Variants in IL17RD observed in about 807,000 individuals in gnomAD.
IL17RD encodes interleukin 17 receptor D.
In IL17RD, 52 loss-of-function variants were observed where a neutral mutation model predicts 80.5. The ratio of observed to expected loss-of-function variants is 0.65; its 90% confidence interval spans 0.52 to 0.81. The LOEUF (loss-of-function observed/expected upper bound fraction) is 0.81. IL17RD is among the 40% of genes least tolerant of loss of function. The probability of loss-of-function intolerance (pLI) is 0.00; values close to 1 mark genes in which losing one functional copy is unlikely to be tolerated. For missense variants in IL17RD, 1,024 were observed against 955.1 expected (o/e 1.07, Z -0.95); for synonymous variants, 416 against 391.8 (o/e 1.06, Z -0.73).
chr3:57,136,409 G>C (rs1450651818), intron 1 of IL17RD, among the ~76,000 whole-genome samples: 2 of 152,130 alleles, frequency 1.3e-5, no homozygotes, highest in Non-Finnish European at 2.9e-5. Flanking sequence ...AAGGCAGCAG[G>C]AATGCTCGAG....
At chr3:57,129,872 C>T (rs771029655) in intron 1 of IL17RD, among the ~76,000 whole-genome samples, 10 of 152,138 alleles carry the variant, frequency 6.6e-5, no homozygotes, top group Admixed American at 2.6e-4. Flanking sequence ...TGGCTTTCCC[C>T]CACTTTCTCT....
chr3:57,119,314 T>TG (rs1707282856), intron 2 of IL17RD, among the ~76,000 whole-genome samples: 1 of 149,846 alleles, frequency 6.7e-6, no homozygotes, highest in African/African-American at 2.5e-5. Flanking sequence ...ATCGTGCCAC[T>TG]GCACTCCAGC....
At chr3:57,105,518 C>T (rs1444480267) in intron 7 of IL17RD, among the ~76,000 whole-genome samples, 2 of 88,728 alleles carry the variant, frequency 2.3e-5, no homozygotes, top group African/African-American at 9.2e-5. Context: ...GCCTGGGCAA[C>T]AGAGCAAGAC....
intron 1 of IL17RD, among the ~76,000 whole-genome samples, chr3:57,130,102 G>A (rs1198668458): frequency 6.6e-6 from 1 of 152,194 alleles, no homozygotes; most frequent in Non-Finnish European, 1.5e-5. Flanking sequence ...CCCTGTTTTT[G>A]TTAAGAGGAA....
chr3:57,105,871 T>G lies in IL17RD; in HGVS notation c.733A>C (p.Lys245Gln). 1 of 1,613,820 alleles carries G rather than the reference T, an allele frequency of 6.2e-7. No individual in the cohort carries two copies. Among genetic ancestry groups the G allele is most frequent in the Non-Finnish European group, 8.5e-7 (1 of 1,179,840 alleles). Residue 245 changes from lysine (K) to glutamine (Q), a missense_variant, in exon 7 of 13, where the codon AAG becomes CAG. Lys to Gln is a moderately conservative substitution (Grantham distance 53). Transcript: ENST00000296318. ...CAGCAGCTCACCTGCTTACAGGTCT[T>G]TCGCTTGAAAGGTCCTTCGTGCTTG... ...KLKHEGPFKR[K>Q]TCKQEQTTET... is the part of the protein sequence containing the mutation.
intron 1 of IL17RD, among the ~76,000 whole-genome samples, chr3:57,125,245 A>T (rs776077871): frequency 2.4e-4 from 37 of 152,114 alleles, no homozygotes; most frequent in Non-Finnish European, 4.3e-4. Context: ...CGCCTCTACT[A>T]AAAATACGAA....
intron 1 of IL17RD, among the ~76,000 whole-genome samples, chr3:57,125,948 C>T (rs757267470): frequency 6.6e-6 from 1 of 152,106 alleles, no homozygotes; most frequent in Non-Finnish European, 1.5e-5. Flanking sequence ...AAGTAATATA[C>T]CCCAAGAACC....
Position 57,127,181 on chromosome 3 carries a change from CAT to C in IL17RD, c.127-6870_127-6869del, listed in dbSNP as rs796997910. 4.5e-3 allele frequency among the ~76,000 whole-genome samples: 487 copies of C among 109,094 alleles called. 45 individuals are homozygous for C. Among genetic ancestry groups the C allele is most frequent in the African/African-American group, 0.019 (466 of 24,004 alleles). The allele number at this position is 109,094 out of a possible 152,430, so 71.6% of individuals were successfully genotyped here. On this transcript the variant is annotated intron_variant, in intron 1 of 12. Coordinates refer to ENST00000296318, the MANE Select transcript of IL17RD (RefSeq NM_017563.5). ...TAACTACTTAAAACTAAGGCCAACT[CAT>C]ATATATATATATATAAATATATATA... is the stretch of plus-strand genomic sequence containing the variant.
At chr3:57,155,499 T>C (rs1415780434) in intron 1 of IL17RD, among the ~76,000 whole-genome samples, 1 of 152,216 alleles carries the variant, frequency 6.6e-6, no homozygotes, top group African/African-American at 2.4e-5. Flanking sequence ...TGCCAATAAC[T>C]GTGGTGTGAA....
In IL17RD at chr3:57,090,408, T is replaced by G. The variant is rs1444166087; in HGVS notation, c.*5985A>C. On this transcript the variant is annotated 3_prime_UTR_variant, in exon 13 of 13. Transcript: ENST00000296318. ...TTCTTGAGAGAAACATACCAAACTTTTTGTTGTTGTTGTTGAGACGGAGTT... is the reference window on the plus strand; with the variant it reads ...TTCTTGAGAGAAACATACCAAACTTGTTGTTGTTGTTGTTGAGACGGAGTT... 1 of 153,610 alleles carries G rather than the reference T, an allele frequency of 6.5e-6. No homozygotes were observed. Among genetic ancestry groups the G allele is most frequent in the East Asian group, 1.9e-4 (1 of 5,244 alleles). 9.5% of individuals were successfully genotyped at this position (153,610 alleles called of 1,614,324 possible).
intron 11 of IL17RD, among the ~76,000 whole-genome samples, chr3:57,100,640 C>G (rs767931985): frequency 6.6e-6 from 1 of 152,168 alleles, no homozygotes; most frequent in African/African-American, 2.4e-5. Context: ...TATGATTCCA[C>G]CAGTCAATGG....
At chr3:57,100,659 C>T (rs1706805589) in intron 11 of IL17RD, among the ~76,000 whole-genome samples, 1 of 152,176 alleles carries the variant, frequency 6.6e-6, no homozygotes, top group Admixed American at 6.5e-5. Context: ...GGTCAAACAG[C>T]TTCACAGAGC....
chr3:57,166,729 T>A (rs897913924), upstream of IL17RD, among the ~76,000 whole-genome samples: 11 of 152,112 alleles, frequency 7.2e-5, no homozygotes, highest in African/African-American at 2.7e-4. Flanking sequence ...TGCACAGAAC[T>A]CCCCCCAGCC....
At chr3:57,144,926 G>A (rs895219139) in intron 1 of IL17RD, among the ~76,000 whole-genome samples, 1 of 151,730 alleles carries the variant, frequency 6.6e-6, no homozygotes, top group Non-Finnish European at 1.5e-5. Context: ...AGGTGTGTGT[G>A]TATGTGTGTA....
At position 57,127,267 on chromosome 3, in the gene IL17RD, TATATAAAA is replaced by T. The variant is rs1559476849; in HGVS notation, c.127-6962_127-6955del. On this transcript the variant is annotated intron_variant, in intron 1 of 12. Transcript: ENST00000296318. ...ATATATATATAAATATATATAAATA[TATATAAAA>T]ATATATATAAATATATATAAATATA... 4.7e-3 allele frequency among the ~76,000 whole-genome samples: 448 copies of T among 95,008 alleles called. 18 individuals carry two copies. Among genetic ancestry groups the T allele is most frequent in the African/African-American group, 0.026 (436 of 16,902 alleles). 62.3% of individuals were successfully genotyped at this position (95,008 alleles called of 152,430 possible). A position where few individuals can be genotyped will look rare whatever the true frequency, so the allele number is the denominator to read the frequency against.
chr3:57,097,683 G>C lies in IL17RD; in HGVS notation c.2020C>G (p.Leu674Val). The C allele has an allele frequency of 1.9e-6, 3 of 1,605,966 alleles. No homozygotes were observed. Among genetic ancestry groups the C allele is most frequent in the Non-Finnish European group, 2.5e-6 (3 of 1,176,572 alleles). The change falls in exon 12 of 13, where the codon CTG becomes GTG. Residue 674 changes from leucine (L) to valine (V), a missense_variant. Physicochemically the swap from Leu to Val is conservative, Grantham distance 32. Transcript: ENST00000296318. ...IYDSSVPSSE[L>V]SLPLMEGLST... ...AGTCCTTCCATCAGTGGCAGAGACA[G>C]CTCGGATGAGGGCACAGACGAGTCA...
Position 57,134,583 on chromosome 3 carries a change from G to A in IL17RD, c.127-14270C>T, listed in dbSNP as rs1463869125. The A allele has an allele frequency of 6.4e-6, 8 of 1,251,780 alleles. No individual in the cohort carries two copies. The East Asian group carries it at 1.9e-4, about 29-fold the overall frequency. The allele number at this position is 1,251,780 out of a possible 1,614,324, so 77.5% of individuals were successfully genotyped here. On this transcript the variant is annotated intron_variant, in intron 1 of 12. Coordinates refer to ENST00000296318, the MANE Select transcript of IL17RD (RefSeq NM_017563.5). ...CATCCTCAAGCTGAAGGCAGACAAG[G>A]CCCACAAGAAGCTGCAGGCTGACCA...
intron 10 of IL17RD, 29 bp downstream of exon 10, chr3:57,102,450 G>A: frequency 2.3e-6 from 3 of 1,318,792 alleles, no homozygotes; most frequent in Non-Finnish European, 3.2e-6. Flanking sequence ...GCCCCTTGTT[G>A]TGGGGAGACA....
rs1450907372 is a variant in IL17RD, at chr3:57,090,664, C to G, written c.*5729G>C. ...AGGTGATCCGCCCACCTTGGCCTCC[C>G]AAAATGCTGGGATTACAGGCGTGAG... On this transcript the variant is annotated 3_prime_UTR_variant, in exon 13 of 13. Coordinates refer to ENST00000296318, the MANE Select transcript of IL17RD (RefSeq NM_017563.5). The G allele has an allele frequency of 6.6e-6, 1 of 152,252 alleles. No individual in the cohort carries two copies. The highest frequency in any genetic ancestry group is 2.4e-5 in the African/African-American group (1 of 41,444). 9.4% of individuals were successfully genotyped at this position (152,252 alleles called of 1,614,324 possible).
Sources: gnomAD v4.1 joint callset for allele counts (sites outside exome capture counted in the v4.1 genomes callset) on GRCh38, gnomAD v4.1.1 for gene constraint, MANE v1.5 for transcripts, NCBI Gene and HGNC (gene_info 2026-07-23, HGNC 2026-07-21) for gene names.